FHOD3: variants seen among roughly 807,000 people sequenced by gnomAD.
FHOD3 encodes the protein formin homology 2 domain containing 3.
A neutral mutation model predicts 173.0 loss-of-function variants in FHOD3; 90 were observed. The ratio of observed to expected loss-of-function variants is 0.52; its 90% CI spans 0.44 to 0.62. The LOEUF is 0.62. Among genes scored for constraint, FHOD3 ranks in the 20% least tolerant of loss-of-function variants. The pLI is 0.00. For synonymous variants in FHOD3, 828 were observed against 823.0 expected (o/e 1.01, Z -0.10); for missense variants, 1,945 against 2,034.7 (o/e 0.96, Z 0.85).
At chr18:36,745,437 G>A (rs1471133823) in intron 23 of FHOD3, among the ~76,000 whole-genome samples, 2 of 152,170 alleles carry the variant, frequency 1.3e-5, no homozygotes, top group African/African-American at 4.8e-5. Context: ...AGGAAGCCCA[G>A]TACATACGGT....
At chr18:36,489,051 A>G (rs1404325951) in intron 3 of FHOD3, among the ~76,000 whole-genome samples, 1 of 152,072 alleles carries the variant, frequency 6.6e-6, no homozygotes, top group Non-Finnish European at 1.5e-5. Context: ...TAAGAGGGCT[A>G]AGTAGTTTTT....
At chr18:36,416,807 G>T (rs77284956) in intron 3 of FHOD3, among the ~76,000 whole-genome samples, 1,616 of 152,188 alleles carry the variant, frequency 0.011, 25 homozygotes, top group African/African-American at 0.036. Context: ...GCCAGCCCCT[G>T]CTCCCTTGCC....
chr18:36,764,721 A>G (rs1378094715), intron 27 of FHOD3, among the ~76,000 whole-genome samples: 2 of 152,244 alleles, frequency 1.3e-5, no homozygotes, highest in East Asian at 1.9e-4. Flanking sequence ...AGGGATTAGA[A>G]TGGGAGGCTG....
chr18:36,546,258 A>G (rs560457270), intron 5 of FHOD3, among the ~76,000 whole-genome samples: 57 of 152,308 alleles, frequency 3.7e-4, no homozygotes, highest in Non-Finnish European at 6.5e-4. Flanking sequence ...CACCCCTGGT[A>G]TGTACTAACT....
At chr18:36,356,668 C>T (rs28405349) in intron 2 of FHOD3, among the ~76,000 whole-genome samples, 164 of 151,768 alleles carry the variant, frequency 1.1e-3, no homozygotes, top group African/African-American at 3.9e-3. Flanking sequence ...CGGAATCTCG[C>T]TCTGTCACCC....
At chr18:36,581,228 C>G (rs77625804) in intron 6 of FHOD3, among the ~76,000 whole-genome samples, 3,942 of 152,346 alleles carry the variant, frequency 0.026, 202 homozygotes, top group East Asian at 0.24. Flanking sequence ...ATGCCAGGCC[C>G]ATGACTTATC....
chr18:36,323,852 C>G (rs1477639938), intron 1 of FHOD3, among the ~76,000 whole-genome samples: 3 of 152,220 alleles, frequency 2.0e-5, no homozygotes, highest in Non-Finnish European at 4.4e-5. Context: ...TAGACCAATC[C>G]TACTTCTGAA....
chr18:36,670,892 A>C (rs2149315861), intron 14 of FHOD3, among the ~76,000 whole-genome samples: 1 of 152,322 alleles, frequency 6.6e-6, no homozygotes, highest in Admixed American at 6.5e-5. Context: ...GCAGGACCAG[A>C]GCTATGTTTA....
At chr18:36,451,056 C>T (rs1379787706) in intron 3 of FHOD3, among the ~76,000 whole-genome samples, 3 of 152,148 alleles carry the variant, frequency 2.0e-5, no homozygotes, top group African/African-American at 7.2e-5. Flanking sequence ...ACAAGCCAAC[C>T]ATATCACACA....
intron 1 of FHOD3, among the ~76,000 whole-genome samples, chr18:36,303,769 T>TG (rs1242957252): frequency 1.3e-5 from 2 of 152,164 alleles, no homozygotes; most frequent in African/African-American, 4.8e-5. Flanking sequence ...TGCCTGTGGC[T>TG]GGCTTAGAGG....
chr18:36,695,132 C>G (rs978408921), intron 17 of FHOD3, among the ~76,000 whole-genome samples: 4 of 151,278 alleles, frequency 2.6e-5, no homozygotes, highest in African/African-American at 9.7e-5. Context: ...CACCTGAGGT[C>G]GGGAGTTCAA....
intron 5 of FHOD3, among the ~76,000 whole-genome samples, chr18:36,526,588 A>G (rs536538800): frequency 6.6e-6 from 1 of 152,240 alleles, no homozygotes; most frequent in African/African-American, 2.4e-5. Context: ...ATTTTATTAG[A>G]AATGGAGTTT....
chr18:36,449,268 T>C (rs1034830431), intron 3 of FHOD3, among the ~76,000 whole-genome samples: 27 of 151,430 alleles, frequency 1.8e-4, no homozygotes, highest in African/African-American at 5.9e-4. Context: ...ATTGAAATGG[T>C]ACATATATGT....
intron 6 of FHOD3, among the ~76,000 whole-genome samples, chr18:36,592,289 G>T (rs2059245954): frequency 6.6e-6 from 1 of 152,210 alleles, no homozygotes; most frequent in Admixed American, 6.5e-5. Context: ...AGTCAGGAAG[G>T]CATTTTCTAT....
chr18:36,711,315 C>T (rs1328625273), intron 18 of FHOD3: 1 of 152,190 alleles, frequency 6.6e-6, no homozygotes, highest in Non-Finnish European at 1.5e-5. Flanking sequence ...AAATTATTCT[C>T]AAACGTATTT....
At chr18:36,707,433 C>G (rs1192980688) in intron 17 of FHOD3, among the ~76,000 whole-genome samples, 1 of 152,212 alleles carries the variant, frequency 6.6e-6, no homozygotes, top group Non-Finnish European at 1.5e-5. Context: ...GGGGACATTT[C>G]CACGGAGGAG....
intron 1 of FHOD3, among the ~76,000 whole-genome samples, chr18:36,300,664 C>T (rs867114307): frequency 6.6e-5 from 10 of 152,076 alleles, no homozygotes; most frequent in Non-Finnish European, 1.2e-4. Flanking sequence ...GAAGCATGAG[C>T]GTGGGACAGG....
At chr18:36,507,724 A>G (rs1439657306) in intron 4 of FHOD3, among the ~76,000 whole-genome samples, 2 of 152,210 alleles carry the variant, frequency 1.3e-5, no homozygotes, top group Non-Finnish European at 1.5e-5. Context: ...TCCACTTCAG[A>G]GTATCCACGT....
At chr18:36,541,527 T>C (rs900514669) in intron 5 of FHOD3, among the ~76,000 whole-genome samples, 1 of 152,084 alleles carries the variant, frequency 6.6e-6, no homozygotes, top group African/African-American at 2.4e-5. Context: ...AGACCTTATC[T>C]CTACAAAAAA....
Sources: allele counts gnomAD v4.1 joint callset (sites outside exome capture counted in the v4.1 genomes callset), GRCh38; gene constraint gnomAD v4.1.1; transcripts MANE v1.5; gene names NCBI Gene and HGNC (gene_info 2026-07-23, HGNC 2026-07-21).